The following KCNN3 variants were observed in gnomAD, a reference collection of about 807,000 sequenced individuals.
The protein encoded by KCNN3 is potassium calcium-activated channel subfamily N member 3.
A neutral mutation model predicts 62.9 loss-of-function variants in KCNN3; 16 were observed. The ratio of observed to expected loss-of-function variants is 0.25; its 90% CI spans 0.17 to 0.39. KCNN3 has a LOEUF of 0.39. KCNN3 is among the 10% of genes least tolerant of loss of function. The pLI, the probability that KCNN3 is intolerant of heterozygous loss-of-function variation, is 1.00. For synonymous variants in KCNN3, 370 were observed against 389.2 expected, an observed-to-expected ratio of 0.95 and a Z score of 0.58; for missense variants, 599 against 949.4, an observed-to-expected ratio of 0.63 and a Z score of 4.85.
At chr1:154,778,687 T>A (rs1453204647) in intron 2 of KCNN3, among the ~76,000 whole-genome samples, 1 of 141,252 alleles carries the variant, frequency 7.1e-6, no homozygotes, top group African/African-American at 2.6e-5. Flanking sequence ...TGGCACCATC[T>A]GCCTCCCGGG....
intron 5 of KCNN3, among the ~76,000 whole-genome samples, chr1:154,717,749 C>A (rs1317834367): frequency 6.6e-6 from 1 of 152,150 alleles, no homozygotes; most frequent in African/African-American, 2.4e-5. Context: ...TGTTAACTGC[C>A]AGCCCTTGCA....
At chr1:154,740,037 G>A (rs1700796545) in intron 3 of KCNN3, among the ~76,000 whole-genome samples, 2 of 152,202 alleles carry the variant, frequency 1.3e-5, no homozygotes, top group Non-Finnish European at 2.9e-5. Flanking sequence ...AAATTTTGGA[G>A]CAAGTTGTTA....
chr1:154,760,342 AAG>A (rs1279923556), intron 3 of KCNN3, among the ~76,000 whole-genome samples: 1 of 150,382 alleles, frequency 6.6e-6, no homozygotes, highest in Non-Finnish European at 1.5e-5. Context: ...AGGAAGAGGA[AAG>A]AACGGCTGAA....
intron 2 of KCNN3, among the ~76,000 whole-genome samples, chr1:154,793,274 CA>C (rs1263518654): frequency 6.6e-6 from 1 of 152,222 alleles, no homozygotes; most frequent in African/African-American, 2.4e-5. Flanking sequence ...AGCAAAGGCC[CA>C]GAGCCAGCTT....
intron 1 of KCNN3, among the ~76,000 whole-genome samples, chr1:154,863,001 A>AG (rs1359694921): frequency 1.3e-5 from 2 of 152,070 alleles, no homozygotes; most frequent in African/African-American, 4.8e-5. Flanking sequence ...TCATCTACAC[A>AG]GGGGGCGGTG....
At chr1:154,810,868 A>G (rs1294324280) in intron 2 of KCNN3, among the ~76,000 whole-genome samples, 2 of 152,238 alleles carry the variant, frequency 1.3e-5, no homozygotes, top group Non-Finnish European at 2.9e-5. Context: ...TCTCTCCCCC[A>G]GGCAGGGCAA....
chr1:154,860,742 T>C (rs1652737895), intron 1 of KCNN3, among the ~76,000 whole-genome samples: 1 of 152,184 alleles, frequency 6.6e-6, no homozygotes, highest in African/African-American at 2.4e-5. Context: ...TGGGCGCATA[T>C]GCCCCTCCTG....
chr1:154,816,033 A>G (rs116456837), intron 2 of KCNN3, among the ~76,000 whole-genome samples: 3,300 of 152,278 alleles, frequency 0.022, 114 homozygotes, highest in African/African-American at 0.075. Context: ...CCTATAATTT[A>G]TGTCCTGTAA....
At chr1:154,781,626 A>G (rs544124684) in intron 2 of KCNN3, among the ~76,000 whole-genome samples, 1 of 152,290 alleles carries the variant, frequency 6.6e-6, no homozygotes, top group East Asian at 1.9e-4. Flanking sequence ...GCTGGTCTCT[A>G]GTTGTAAGGA....
rs1027678469 is a variant in KCNN3 at position 154,703,653 on chromosome 1, T to C, written c.*4323A>G. On this transcript the variant is annotated 3_prime_UTR_variant, in exon 8 of 8. Coordinates refer to ENST00000271915, the MANE Select transcript of KCNN3 (RefSeq NM_002249.6). Reference sequence around the variant, plus strand: ...TGAAACATTGATTCTTAATTTGGAGTGTACTGTTTGTTGAGTTGCACTCTG... The same window carrying C: ...TGAAACATTGATTCTTAATTTGGAGCGTACTGTTTGTTGAGTTGCACTCTG... 2.0e-5 allele frequency: 3 copies of C among 152,052 alleles called. No individual in the cohort carries two copies. Among genetic ancestry groups the C allele is most frequent in the African/African-American group, 7.3e-5 (3 of 41,374 alleles). 9.4% of individuals were successfully genotyped at this position (152,052 alleles called of 1,614,324 possible). A position where few individuals can be genotyped will look rare whatever the true frequency, so the allele number is the denominator to read the frequency against.
intron 3 of KCNN3, among the ~76,000 whole-genome samples, chr1:154,742,362 A>G (rs750372339): frequency 3.9e-5 from 6 of 152,214 alleles, no homozygotes; most frequent in Non-Finnish European, 7.3e-5. Flanking sequence ...CTGAACCTAC[A>G]GGTTCCAGGG....
At chr1:154,827,486 T>C (rs1651187842) in intron 1 of KCNN3, among the ~76,000 whole-genome samples, 1 of 152,084 alleles carries the variant, frequency 6.6e-6, no homozygotes, top group Non-Finnish European at 1.5e-5. Context: ...AGCCTCCTCC[T>C]CCCAGGTGCA....
intron 1 of KCNN3, among the ~76,000 whole-genome samples, chr1:154,854,127 C>T (rs1264221909): frequency 2.0e-5 from 3 of 151,836 alleles, no homozygotes; most frequent in African/African-American, 7.3e-5. Context: ...CCCAGCTACT[C>T]GGGAGGCTGA....
At chr1:154,811,553 A>G (rs1168200359) in intron 2 of KCNN3, among the ~76,000 whole-genome samples, 2 of 152,206 alleles carry the variant, frequency 1.3e-5, no homozygotes, top group Non-Finnish European at 2.9e-5. Flanking sequence ...TCATGCTAAC[A>G]GGACAGGTTT....
At chr1:154,840,859 C>G (rs964806558) in intron 1 of KCNN3, among the ~76,000 whole-genome samples, 2 of 152,228 alleles carry the variant, frequency 1.3e-5, no homozygotes, top group African/African-American at 4.8e-5. Flanking sequence ...CCTCTGCCCC[C>G]ACCAACGCCC....
chr1:154,731,671 G>C (rs995645750), intron 4 of KCNN3, among the ~76,000 whole-genome samples: 1 of 152,158 alleles, frequency 6.6e-6, no homozygotes, highest in Non-Finnish European at 1.5e-5. Context: ...TGGAGGCAAC[G>C]GGGGTGACAA....
intron 5 of KCNN3, among the ~76,000 whole-genome samples, chr1:154,722,490 C>T (rs531862750): frequency 6.0e-5 from 9 of 148,860 alleles, no homozygotes; most frequent in Admixed American, 5.4e-4. Context: ...CAGGTTGAAG[C>T]GATTCTCCTG....
intron 3 of KCNN3, among the ~76,000 whole-genome samples, chr1:154,749,244 C>T (rs1571236023): frequency 1.3e-5 from 2 of 152,374 alleles, no homozygotes; most frequent in South Asian, 4.1e-4. Context: ...ATGTGAATGG[C>T]ACCCCCTGGA....
At chr1:154,853,162 T>C (rs1652373171) in intron 1 of KCNN3, among the ~76,000 whole-genome samples, 1 of 151,990 alleles carries the variant, frequency 6.6e-6, no homozygotes, top group Non-Finnish European at 1.5e-5. Flanking sequence ...GCTTTTTTTT[T>C]TTTTCTGTAA....
Sources: allele counts gnomAD v4.1 joint callset (sites outside exome capture counted in the v4.1 genomes callset), GRCh38; gene constraint gnomAD v4.1.1; transcripts MANE v1.5; gene names NCBI Gene and HGNC (gene_info 2026-07-23, HGNC 2026-07-21).